APAF1: variants seen among roughly 807,000 people sequenced by gnomAD.
APAF1 encodes apoptotic peptidase activating factor 1, also known as apoptotic protease-activating factor 1.
In APAF1, 91 loss-of-function variants were observed where a neutral mutation model predicts 152.4. The observed-to-expected ratio is 0.60, with a 90% CI of 0.50 to 0.71. The LOEUF (loss-of-function observed/expected upper bound fraction) is 0.71, where lower values mean the gene tolerates loss of function less well. Among genes scored for constraint, APAF1 ranks in the 30% least tolerant of loss-of-function variants. APAF1 has a pLI of 0.00. For synonymous variants in APAF1, 484 were observed against 494.1 expected, an observed-to-expected ratio of 0.98 and a Z score of 0.27; for missense variants, 1,283 against 1,472.0, an observed-to-expected ratio of 0.87 and a Z score of 2.10.
intron 15 of APAF1, among the ~76,000 whole-genome samples, chr12:98,685,099 A>G (rs2097696593): frequency 6.6e-6 from 1 of 152,240 alleles, no homozygotes; most frequent in Non-Finnish European, 1.5e-5. Flanking sequence ...TATCTCACTT[A>G]CTAATCATTT....
chr12:98,695,806 C>T (rs532761364), intron 16 of APAF1, among the ~76,000 whole-genome samples: 3 of 151,996 alleles, frequency 2.0e-5, no homozygotes, highest in East Asian at 3.9e-4. Flanking sequence ...GTACTGGGTG[C>T]CAGCACTTCC....
At chr12:98,654,816 C>CTTTTTTTTTTTTTTTTTTTTATTTTTT (rs758991431) in intron 4 of APAF1, among the ~76,000 whole-genome samples, 7 of 116,788 alleles carry the variant, frequency 6.0e-5, no homozygotes, top group African/African-American at 6.6e-5. Context: ...GTAGTATTTT[C>CTTTTTTTTTTTTTTTTTTTTATTTTTT]TTTTTTTTTT....
At chr12:98,656,160 T>C (rs1289575451) in intron 4 of APAF1, among the ~76,000 whole-genome samples, 1 of 152,104 alleles carries the variant, frequency 6.6e-6, no homozygotes, top group African/African-American at 2.4e-5. Flanking sequence ...AATTCTGGGC[T>C]CAAGCAGTCT....
chr12:98,706,459 T>A, intron 18 of APAF1, 26 bp from the exon 19 acceptor site: 1 of 1,613,700 alleles, frequency 6.2e-7, no homozygotes, highest in Non-Finnish European at 8.5e-7. Context: ...GTATGTGATT[T>A]CCTATATGCT....
Position 98,648,417 on chromosome 12 carries a change from A to G in APAF1, c.58A>G (p.Ile20Val), listed in dbSNP as rs368174559. ...ACATAGAGAAGCTCTGGAAAAGGAC[A>G]TCAAGACATCCTACATCATGGATCA... The part of the protein sequence containing the change: ...LQHREALEKD[I>V]KTSYIMDHMI... The change falls in exon 2 of 27, where the codon ATC becomes GTC. Residue 20 changes from isoleucine (I) to valine (V), a missense_variant. By Grantham distance (29) the Ile-to-Val change is conservative. Transcript: ENST00000551964. The G allele has an allele frequency of 3.4e-5, 55 of 1,613,970 alleles. No individual in the cohort carries two copies. Among genetic ancestry groups the G allele is most frequent in the Non-Finnish European group, 4.4e-5 (52 of 1,179,942 alleles).
At chr12:98,725,306 C>A (rs1041956085) in intron 24 of APAF1, 109 bp from the exon 25 acceptor site, 1 of 1,395,334 alleles carries the variant, frequency 7.2e-7, no homozygotes, top group South Asian at 1.2e-5. Context: ...TTATGAATTG[C>A]CAGATATTAG....
intron 22 of APAF1, among the ~76,000 whole-genome samples, chr12:98,717,637 A>G (rs962254027): frequency 1.2e-4 from 18 of 152,110 alleles, no homozygotes; most frequent in African/African-American, 3.4e-4. Flanking sequence ...TGGCCTCCCA[A>G]TGTGCTGGGA....
chr12:98,650,395 A>T (rs1247926346), intron 4 of APAF1, among the ~76,000 whole-genome samples: 1 of 152,068 alleles, frequency 6.6e-6, no homozygotes, highest in Admixed American at 6.6e-5. Flanking sequence ...CTGAGGCAGG[A>T]GAATCACTTG....
At chr12:98,698,112 A>G (rs1301350462) in intron 16 of APAF1, among the ~76,000 whole-genome samples, 1 of 152,226 alleles carries the variant, frequency 6.6e-6, no homozygotes, top group Non-Finnish European at 1.5e-5. Context: ...AACAGATGCA[A>G]TTTAGACATG....
intron 16 of APAF1, among the ~76,000 whole-genome samples, chr12:98,696,582 T>A (rs2097710169): frequency 6.6e-6 from 1 of 152,204 alleles, no homozygotes; most frequent in Non-Finnish European, 1.5e-5. Flanking sequence ...CTCTGCATCT[T>A]TAACACCTGA....
chr12:98,665,596 T>C lies in APAF1; in HGVS notation c.999T>C (p.Asp333=). The C allele has an allele frequency of 6.2e-7, 1 of 1,613,918 alleles. No individual in the cohort carries two copies. The highest frequency in any genetic ancestry group is 8.5e-7 in the Non-Finnish European group (1 of 1,179,922). Residue 333 remains aspartate, a synonymous_variant, in exon 8 of 27, where the codon GAT becomes GAC. Coordinates refer to ENST00000551964, the MANE Select transcript of APAF1 (RefSeq NM_181861.2). The part of the protein sequence containing the change: ...VVSLIGALLR[D]FPNRWEYYLK... ...CTTTAATTGGTGCACTTTTACGTGA[T>C]TTTCCCAATCGCTGGGAGTACTACC...
chr12:98,706,749 G>A, intron 19 of APAF1, 139 bp downstream of exon 19: 1 of 956,406 alleles, frequency 1.0e-6, no homozygotes, highest in Non-Finnish European at 1.6e-6. Flanking sequence ...CTGGAAAAGT[G>A]CTGTTATATG....
intron 22 of APAF1, among the ~76,000 whole-genome samples, chr12:98,720,653 A>G (rs542819173): frequency 6.6e-6 from 1 of 152,244 alleles, no homozygotes; most frequent in East Asian, 1.9e-4. Flanking sequence ...ATATAGGACT[A>G]TGTTAGTTCT....
At position 98,715,829 on chromosome 12, in the gene APAF1, A is replaced by G. The variant is rs140675171; in HGVS notation, c.3084+277A>G. On this transcript the variant is annotated intron_variant, in intron 22 of 26. Transcript: ENST00000551964. ...CTGTCTTGGTATTTGGATTTGTATCAGTAAGTATACTTTTTGCCACATTTA... is the reference window on the plus strand; with the variant it reads ...CTGTCTTGGTATTTGGATTTGTATCGGTAAGTATACTTTTTGCCACATTTA... Among the ~76,000 whole-genome samples, 21 of 152,314 alleles carry G rather than the reference A, an allele frequency of 1.4e-4. No individual in the cohort carries two copies. The East Asian group carries it at 3.7e-3, about 27-fold the overall frequency.
chr12:98,667,482 C>G (rs945014061), intron 9 of APAF1, 31 bp from the exon 10 acceptor site: 5 of 1,610,546 alleles, frequency 3.1e-6, no homozygotes, highest in Non-Finnish European at 4.2e-6. Context: ...AAAATTGTTT[C>G]TGGCTTCTGA....
intron 16 of APAF1, among the ~76,000 whole-genome samples, chr12:98,692,187 A>G (rs1296885963): frequency 1.3e-5 from 2 of 151,774 alleles, no homozygotes; most frequent in Non-Finnish European, 2.9e-5. Flanking sequence ...GGTTCATGCC[A>G]TTCTCCTGCC....
At position 98,665,703 on chromosome 12, in the gene APAF1, C is replaced by A; in HGVS notation, c.1106C>A (p.Ser369Tyr). 6.2e-7 allele frequency: 1 copy of A among 1,613,900 alleles called. No individual in the cohort carries two copies. Among genetic ancestry groups the A allele is most frequent in the South Asian group, 1.1e-5 (1 of 91,062 alleles). ...YDYEALDEAM[S>Y]ISVEMLREDI... ...TATGAGGCTCTAGATGAAGCCATGT[C>A]TATAAGTGTTGAAATGCTCAGAGAA... The change falls in exon 8 of 27, where the codon TCT (serine) becomes TAT (tyrosine). Residue 369 changes from serine (S) to tyrosine (Y), a missense_variant. Transcript: ENST00000551964.
At chr12:98,732,344 A>G in intron 26 of APAF1, 76 bp from the exon 27 acceptor site, 1 of 1,348,354 alleles carries the variant, frequency 7.4e-7, no homozygotes, top group Non-Finnish European at 1.1e-6. Context: ...AGATAGGGTA[A>G]AGGATCTGCT....
chr12:98,674,718 A>G (rs1219725838), intron 12 of APAF1, among the ~76,000 whole-genome samples: 3 of 152,200 alleles, frequency 2.0e-5, no homozygotes, highest in Non-Finnish European at 4.4e-5. Context: ...AAAGTTATTT[A>G]ACTTCCTTTG....
Sources: allele counts gnomAD v4.1 joint callset (sites outside exome capture counted in the v4.1 genomes callset), GRCh38; gene constraint gnomAD v4.1.1; transcripts MANE v1.5; gene names NCBI Gene and HGNC (gene_info 2026-07-23, HGNC 2026-07-21).